Variants in INPP4B observed in about 807,000 individuals in gnomAD.
INPP4B encodes the protein inositol polyphosphate 4-phosphatase type II.
Under a neutral mutation model 122.5 loss-of-function variants are expected in INPP4B, and 55 were observed. That is an observed-to-expected ratio of 0.45 (90% CI 0.36 to 0.56). The LOEUF is 0.56. Ranked by LOEUF, INPP4B falls within the 20% of genes least tolerant of loss-of-function variation. The pLI is 0.00. For missense variants in INPP4B, 1,000 were observed against 1,097.7 expected, an observed-to-expected ratio of 0.91 and a Z score of 1.26; for synonymous variants, 403 against 388.7, an observed-to-expected ratio of 1.04 and a Z score of -0.43.
intron 10 of INPP4B, among the ~76,000 whole-genome samples, chr4:142,264,600 T>C (rs186424284): frequency 3.5e-4 from 53 of 152,310 alleles, no homozygotes; most frequent in African/African-American, 1.2e-3. Context: ...ATAATAAATA[T>C]GTGTTCATAA....
chr4:142,264,779 T>C (rs1430141823), intron 10 of INPP4B, among the ~76,000 whole-genome samples: 2 of 152,178 alleles, frequency 1.3e-5, no homozygotes, highest in African/African-American at 4.8e-5. Context: ...AAAGTTCATA[T>C]GTTGAGGCCC....
At chr4:142,758,574 C>T (rs993481082) in intron 1 of INPP4B, among the ~76,000 whole-genome samples, 7 of 152,082 alleles carry the variant, frequency 4.6e-5, no homozygotes, top group Non-Finnish European at 8.8e-5. Context: ...TCTAAGGTTC[C>T]CTTGGACTCT....
chr4:142,468,776 G>C (rs1390461794), intron 2 of INPP4B, among the ~76,000 whole-genome samples: 1 of 152,118 alleles, frequency 6.6e-6, no homozygotes, highest in African/African-American at 2.4e-5. Context: ...TTTTTGCAAA[G>C]CCTACAGAAC....
chr4:142,214,262 A>T (rs891170298), intron 12 of INPP4B, among the ~76,000 whole-genome samples: 2 of 152,094 alleles, frequency 1.3e-5, no homozygotes, highest in Non-Finnish European at 2.9e-5. Context: ...TAGAACTCTA[A>T]AGGTCTGTAC....
chr4:142,115,681 C>T (rs941147951), intron 21 of INPP4B, among the ~76,000 whole-genome samples: 1 of 152,154 alleles, frequency 6.6e-6, no homozygotes, highest in African/African-American at 2.4e-5. Context: ...TGGAAAGGAA[C>T]AACTGGTAGC....
intron 7 of INPP4B, among the ~76,000 whole-genome samples, chr4:142,318,570 A>C (rs574110862): frequency 5.3e-5 from 8 of 152,304 alleles, no homozygotes; most frequent in African/African-American, 7.2e-5. Flanking sequence ...CCTGGAACAT[A>C]AGAATGTCTT....
At chr4:142,360,605 T>G (rs1785062622) in intron 7 of INPP4B, among the ~76,000 whole-genome samples, 1 of 151,918 alleles carries the variant, frequency 6.6e-6, no homozygotes, top group Non-Finnish European at 1.5e-5. Flanking sequence ...CTGTGAAGAA[T>G]TTGGGTCATT....
intron 1 of INPP4B, among the ~76,000 whole-genome samples, chr4:142,811,488 T>A (rs1014680807): frequency 3.3e-5 from 5 of 152,186 alleles, no homozygotes; most frequent in Non-Finnish European, 7.3e-5. Context: ...GAAAGCTTGA[T>A]GTAATTTGCT....
Position 142,223,100 on chromosome 4 carries a change from C to T in INPP4B, c.837-14074G>A, listed in dbSNP as rs957178154. On this transcript the variant is annotated intron_variant, in intron 12 of 25. Coordinates refer to ENST00000262992, the MANE Select transcript of INPP4B (RefSeq NM_001101669.3). ...CAGCTGAGGAAACTGAAAATTAGAG[C>T]GGCTAGGTAAATTGGGCCATGTCAT... is the stretch of plus-strand genomic sequence containing the variant. Among the ~76,000 whole-genome samples the T allele has an allele frequency of 1.3e-4, 20 of 151,884 alleles. 1 individual carries two copies. The highest frequency in any genetic ancestry group is 4.1e-4 in the African/African-American group (17 of 41,342).
intron 1 of INPP4B, among the ~76,000 whole-genome samples, chr4:142,835,654 G>T (rs1314155693): frequency 6.6e-6 from 1 of 152,166 alleles, no homozygotes; most frequent in African/African-American, 2.4e-5. Context: ...ATATCACACT[G>T]AGCAATGTTT....
chr4:142,389,222 C>G (rs961975375), intron 7 of INPP4B, among the ~76,000 whole-genome samples: 19 of 149,920 alleles, frequency 1.3e-4, no homozygotes, highest in African/African-American at 4.2e-4. Context: ...TGCACTCCAG[C>G]CTGTGTGACA....
chr4:142,382,057 T>G (rs1024105177), intron 7 of INPP4B, among the ~76,000 whole-genome samples: 11 of 152,194 alleles, frequency 7.2e-5, no homozygotes, highest in Non-Finnish European at 1.3e-4. Flanking sequence ...ACGTATCTAA[T>G]TCCCAACATT....
intron 7 of INPP4B, among the ~76,000 whole-genome samples, chr4:142,351,167 C>T (rs1036102648): frequency 2.9e-4 from 44 of 151,972 alleles, no homozygotes; most frequent in Non-Finnish European, 5.9e-4. Context: ...GTTCCCTCTG[C>T]AGAATGAATT....
chr4:142,502,596 C>A (rs1043817842), intron 2 of INPP4B, among the ~76,000 whole-genome samples: 1 of 152,086 alleles, frequency 6.6e-6, no homozygotes, highest in Non-Finnish European at 1.5e-5. Context: ...TCAAGAGATT[C>A]TCCTGCCTCA....
intron 7 of INPP4B, among the ~76,000 whole-genome samples, chr4:142,348,166 C>T (rs1480822796): frequency 2.0e-5 from 3 of 151,900 alleles, no homozygotes; most frequent in East Asian, 1.9e-4. Context: ...AAGTGGACAA[C>T]GGCATTAGAG....
chr4:142,335,460 C>T (rs1421949071), intron 7 of INPP4B, among the ~76,000 whole-genome samples: 1 of 152,114 alleles, frequency 6.6e-6, no homozygotes, highest in African/African-American at 2.4e-5. Flanking sequence ...TATTTTACTC[C>T]TCATAACCCC....
intron 2 of INPP4B, among the ~76,000 whole-genome samples, chr4:142,643,110 G>A (rs183951181): frequency 7.4e-4 from 113 of 152,108 alleles, no homozygotes; most frequent in Admixed American, 6.0e-3. Context: ...ATTTTTGCAC[G>A]TTGATTTTGT....
At chr4:142,630,797 G>A (rs1431636980) in intron 2 of INPP4B, among the ~76,000 whole-genome samples, 1 of 152,060 alleles carries the variant, frequency 6.6e-6, no homozygotes, top group Non-Finnish European at 1.5e-5. Context: ...TACCTACTAT[G>A]CTGAGGTGGT....
At chr4:142,209,930 A>C (rs1248072381) in intron 12 of INPP4B, among the ~76,000 whole-genome samples, 1 of 152,022 alleles carries the variant, frequency 6.6e-6, no homozygotes, top group African/African-American at 2.4e-5. Flanking sequence ...CCTCTTTATC[A>C]AAAAGAAGAG....
Sources: allele counts gnomAD v4.1 joint callset (sites outside exome capture counted in the v4.1 genomes callset), GRCh38; gene constraint gnomAD v4.1.1; transcripts MANE v1.5; gene names NCBI Gene and HGNC (gene_info 2026-07-23, HGNC 2026-07-21).